Variants in SNED1 observed in about 807,000 individuals in gnomAD.
SNED1 encodes the protein sushi, nidogen and EGF-like domain-containing protein 1.
Under a neutral mutation model 166.7 loss-of-function variants are expected in SNED1, and 81 were observed. The observed-to-expected ratio is 0.49, with a 90% CI of 0.41 to 0.58. The LOEUF is 0.58. Ranked by LOEUF, SNED1 falls within the 20% of genes least tolerant of loss-of-function variation. The pLI is 0.00. For synonymous variants in SNED1, 762 were observed against 822.0 expected (o/e 0.93, Z 1.25); for missense variants, 1,604 against 2,000.2 (o/e 0.80, Z 3.78).
At chr2:241,033,619 A>C in intron 2 of SNED1, 116 bp from the exon 3 acceptor site, 1 of 1,226,874 alleles carries the variant, frequency 8.2e-7, no homozygotes, top group Non-Finnish European at 1.1e-6. Flanking sequence ...AGACACAGAC[A>C]TTGAGCAAGC....
At chr2:241,002,895 G>A (rs936917007) in intron 1 of SNED1, among the ~76,000 whole-genome samples, 75 of 151,688 alleles carry the variant, frequency 4.9e-4, no homozygotes, top group Middle Eastern at 6.8e-3. Flanking sequence ...CACCCTCCAC[G>A]TCAGCAGCAG....
chr2:241,031,821 C>T (rs1484046420), intron 2 of SNED1, among the ~76,000 whole-genome samples: 1 of 152,222 alleles, frequency 6.6e-6, no homozygotes, highest in African/African-American at 2.4e-5. Context: ...TTGACTTTTA[C>T]ATAAGTGGAA....
In SNED1 at chr2:241,053,228, C is replaced by T. The variant is rs766162008; in HGVS notation, c.2159C>T (p.Ala720Val). ...RFNGTRLGAV[A>V]LYACDRGYSL... The stretch of plus-strand genomic sequence containing the variant: ...AACGGCACGCGGCTGGGCGCGGTGG[C>T]CCTGTATGCATGTGACCGTGGCTAC... Residue 720 changes from alanine to valine, a missense_variant, in exon 16 of 32, where the codon GCC (alanine) becomes GTC (valine). By Grantham distance (64) the Ala-to-Val change is moderately conservative. Around this residue, in one of 2 missense-constraint regions of SNED1, gnomAD observed 1,237 missense variants for 1,620.8 expected, o/e 0.76. Coordinates refer to ENST00000310397, the MANE Select transcript of SNED1 (RefSeq NM_001080437.3). 1.2e-6 allele frequency: 2 copies of T among 1,608,994 alleles called. No homozygotes were observed. Among genetic ancestry groups the T allele is most frequent in the South Asian group, 2.2e-5 (2 of 90,976 alleles).
At chr2:241,052,920 T>G (rs1480439931) in intron 15 of SNED1, among the ~76,000 whole-genome samples, 2 of 150,568 alleles carry the variant, frequency 1.3e-5, no homozygotes, top group Non-Finnish European at 3.0e-5. Flanking sequence ...GGGGGTCAAG[T>G]GGGGAGCGTG....
chr2:241,086,615 G>A (rs1463314240), intron 29 of SNED1, among the ~76,000 whole-genome samples: 51 of 152,166 alleles, frequency 3.4e-4, no homozygotes, highest in Admixed American at 2.6e-3. Flanking sequence ...TTCTCTGGTT[G>A]TTCACATTGG....
chr2:241,073,629 A>C lies in SNED1; in HGVS notation c.3916+265A>C. 1 of 516,660 alleles carries C rather than the reference A, an allele frequency of 1.9e-6. No individual in the cohort carries two copies. 32.0% of individuals were successfully genotyped at this position (516,660 alleles called of 1,614,324 possible). ...GTCTGAGCTAGAGAGACTGGCTTTG[A>C]TGCTGCCTCCCCTCCCCTCTCCTCC... On this transcript the variant is annotated intron_variant, in intron 27 of 31. Coordinates refer to ENST00000310397, the MANE Select transcript of SNED1 (RefSeq NM_001080437.3). The surrounding 1 kb of genome is among the most constrained non-coding windows in gnomAD (Gnocchi z 6.6).
intron 1 of SNED1, among the ~76,000 whole-genome samples, chr2:241,007,691 T>C (rs2060259048): frequency 6.6e-6 from 1 of 152,240 alleles, no homozygotes; most frequent in Non-Finnish European, 1.5e-5. Context: ...GGTTACCATC[T>C]CATATGGGTC....
chr2:241,069,097 C>T lies in SNED1; in HGVS notation c.3307+74C>T. 9.8e-7 allele frequency: 1 copy of T among 1,020,600 alleles called. No homozygotes were observed. The allele number at this position is 1,020,600 out of a possible 1,614,324, so 63.2% of individuals were successfully genotyped here. ...AGCTCTGGCTTCCTTCCAGCCTCCC[C>T]TAGTCCTCTCCAAAGCGTCCACAAC... On this transcript the variant is annotated intron_variant, in intron 23 of 31. Transcript: ENST00000310397. This position sits in a 1 kb window ranked among gnomAD's most constrained non-coding sequence, Gnocchi z 4.9.
chr2:241,038,227 A>G (rs2061431299), intron 6 of SNED1, among the ~76,000 whole-genome samples: 2 of 152,222 alleles, frequency 1.3e-5, no homozygotes, highest in Non-Finnish European at 2.9e-5. Context: ...AAAACATGTA[A>G]TAGATTGTTT....
At chr2:241,040,035 A>T in intron 6 of SNED1, 40 bp from the exon 7 acceptor site, 1 of 1,469,918 alleles carries the variant, frequency 6.8e-7, no homozygotes, top group Non-Finnish European at 9.3e-7. Flanking sequence ...GGTAACCATA[A>T]CTGGGAGTCC....
At chr2:241,039,657 G>C (rs1170485583) in intron 6 of SNED1, among the ~76,000 whole-genome samples, 1 of 152,060 alleles carries the variant, frequency 6.6e-6, no homozygotes. Flanking sequence ...CTCGCCCCAG[G>C]GGCCACTCCT....
chr2:241,090,279 C>T (rs1559323145), intron 31 of SNED1: 2 of 1,543,496 alleles, frequency 1.3e-6, no homozygotes, highest in African/African-American at 1.4e-5. Flanking sequence ...TATGCCTACA[C>T]AGGGGCAGGA....
Position 241,034,669 on chromosome 2 carries a change from C to T in SNED1, c.744C>T (p.Pro248=), listed in dbSNP as rs750207012. ...AGACCACCACCAACGTGGGTGTGCC[C>T]GGGCGCTGGGCGTTCAGAATCGATG... ...EVETTTNVGV[P]GRWAFRIDDA... is the part of the protein sequence containing the mutation. The change falls in exon 4 of 32, where the codon CCC becomes CCT. Residue 248 remains proline (P), a synonymous_variant. Coordinates refer to ENST00000310397, the MANE Select transcript of SNED1 (RefSeq NM_001080437.3). 67 of 1,608,224 alleles carry T rather than the reference C, an allele frequency of 4.2e-5. No homozygotes were observed. Among genetic ancestry groups the T allele is most frequent in the Non-Finnish European group, 5.0e-5 (59 of 1,178,004 alleles).
At chr2:241,090,586 G>A in intron 31 of SNED1, 1 of 998,264 alleles carries the variant, frequency 1.0e-6, no homozygotes, top group Non-Finnish European at 1.3e-6. Context: ...GTATACACCA[G>A]CATCACCACA....
rs2061940610 is a variant in SNED1, at chr2:241,053,344, TG to T, written c.2257+22del. 1 of 1,548,896 alleles carries T rather than the reference TG, an allele frequency of 6.5e-7. No individual in the cohort carries two copies. The highest frequency in any genetic ancestry group is 1.4e-5 in the African/African-American group (1 of 73,978). On this transcript the variant is annotated intron_variant, in intron 16 of 31. Transcript: ENST00000310397. ...GTGCCTTGGTGATTCTGTGGGCCCT[TG>T]GGGTGGGGCAGGTGGGGCCCACACC...
chr2:241,073,616 GAGA>G lies in SNED1; in HGVS notation c.3916+253_3916+255del. 1.8e-6 allele frequency: 1 copy of G among 542,896 alleles called. No homozygotes were observed. The allele number at this position is 542,896 out of a possible 1,614,324, so 33.6% of individuals were successfully genotyped here. On this transcript the variant is annotated intron_variant, in intron 27 of 31. Transcript: ENST00000310397. The surrounding 1 kb of genome is among the most constrained non-coding windows in gnomAD (Gnocchi z 6.6). ...CAAACCACCCAGAGTCTGAGCTAGA[GAGA>G]CTGGCTTTGATGCTGCCTCCCCTCC...
Position 241,021,736 on chromosome 2 carries a change from T to C in SNED1, c.214-8548T>C, listed in dbSNP as rs139740461. On this transcript the variant is annotated intron_variant, in intron 1 of 31. Transcript: ENST00000310397. The stretch of plus-strand genomic sequence containing the variant: ...TATGAATAAAGCTGCTTTGAATATT[T>C]ACATAAACATTTTTGTGTGGACATG... Among the ~76,000 whole-genome samples the C allele has an allele frequency of 7.6e-4, 116 of 152,376 alleles. 2 individuals are homozygous for C. The East Asian group carries it at 0.019, about 25-fold the overall frequency.
chr2:241,040,495 C>T, intron 8 of SNED1, 82 bp downstream of exon 8: 1 of 873,074 alleles, frequency 1.1e-6, no homozygotes, highest in Non-Finnish European at 1.7e-6. Flanking sequence ...TTTCCCCTTC[C>T]TTCCTTGCCA....
chr2:241,050,650 A>G (rs1176028648), intron 12 of SNED1, among the ~76,000 whole-genome samples: 2 of 152,198 alleles, frequency 1.3e-5, no homozygotes, highest in African/African-American at 2.4e-5. Context: ...CAGCAGAGGT[A>G]GAACAGGTTT....
Sources: allele counts gnomAD v4.1 joint callset (sites outside exome capture counted in the v4.1 genomes callset), GRCh38; gene constraint gnomAD v4.1.1; regional missense constraint gnomAD v4.1.1; non-coding constraint Gnocchi (gnomAD v3.1); transcripts MANE v1.5; gene names NCBI Gene and HGNC (gene_info 2026-07-23, HGNC 2026-07-21).